PTGER3: variants seen among roughly 807,000 people sequenced by gnomAD.
PTGER3 encodes prostaglandin E receptor 3, also known as prostaglandin E2 receptor EP3 subtype.
A neutral mutation model predicts 34.7 loss-of-function variants in PTGER3; 22 were observed. The observed-to-expected ratio is 0.63, with a 90% confidence interval of 0.45 to 0.91. The LOEUF (loss-of-function observed/expected upper bound fraction) is 0.91, where lower values mean the gene tolerates loss of function less well. Ranked by LOEUF, PTGER3 falls within the 40% of genes least tolerant of loss-of-function variation. The probability of loss-of-function intolerance (pLI) is 0.00; values close to 1 mark genes in which losing one functional copy is unlikely to be tolerated. For synonymous variants in PTGER3, 241 were observed against 230.1 expected, an observed-to-expected ratio of 1.05 and a Z score of -0.43; for missense variants, 468 against 519.4, an observed-to-expected ratio of 0.90 and a Z score of 0.96.
intron 2 of PTGER3, among the ~76,000 whole-genome samples, chr1:71,003,531 T>A (rs1002609878): frequency 6.6e-6 from 1 of 152,134 alleles, no homozygotes; most frequent in Non-Finnish European, 1.5e-5. Context: ...CTTGTAATAT[T>A]TTTTTTAAAT....
chr1:70,862,213 A>C (rs1422923493), intron 4 of PTGER3: 1 of 671,064 alleles, frequency 1.5e-6, no homozygotes. Flanking sequence ...AATTTATGAA[A>C]TGAGATACAT....
chr1:70,947,170 T>A (rs1650297726), intron 4 of PTGER3, among the ~76,000 whole-genome samples: 1 of 152,144 alleles, frequency 6.6e-6, no homozygotes, highest in Non-Finnish European at 1.5e-5. Flanking sequence ...TGTGGATATA[T>A]CTAACACCAT....
chr1:70,953,042 C>T, exon 4 of PTGER3: 1 of 1,601,098 alleles, frequency 6.2e-7, no homozygotes, highest in Non-Finnish European at 8.5e-7. Context: ...TCTGAGAGTT[C>T]TGCAAACTGC....
At chr1:70,996,549 C>T (rs993906393) in intron 2 of PTGER3, among the ~76,000 whole-genome samples, 8 of 152,010 alleles carry the variant, frequency 5.3e-5, no homozygotes, top group Admixed American at 1.3e-4. Flanking sequence ...CAAGCTCCGC[C>T]TCGTGGGTTC....
At chr1:70,974,164 T>C in intron 3 of PTGER3, 133 bp downstream of exon 3, 1 of 1,317,164 alleles carries the variant, frequency 7.6e-7, no homozygotes, top group Non-Finnish European at 1.0e-6. Context: ...AATCTAGCAC[T>C]CTTAATCAGA....
chr1:70,979,405 A>AAAG lies in PTGER3; in HGVS notation c.1078-5020_1078-5018dup, dbSNP rs145793575. 0.021 allele frequency among the ~76,000 whole-genome samples: 3,269 copies of AAAG among 152,162 alleles called. 155 individuals carry two copies. The East Asian group carries it at 0.22, about 10-fold the overall frequency. The stretch of plus-strand genomic sequence containing the variant: ...TGCCTAATTCATTATTTAGCTGTAA[A>AAAG]AAGATTGCTTTCATAAAAAAATTAA... On this transcript the variant is annotated intron_variant, in intron 2 of 3. Coordinates refer to ENST00000306666, the MANE Select transcript of PTGER3 (RefSeq NM_198719.2).
chr1:70,887,928 C>A (rs956546652), intron 4 of PTGER3, among the ~76,000 whole-genome samples: 3 of 151,268 alleles, frequency 2.0e-5, no homozygotes, highest in African/African-American at 7.4e-5. Flanking sequence ...CTGAGTAACT[C>A]AAAATAGGTA....
intron 4 of PTGER3, chr1:70,884,021 A>G (rs1329778359): frequency 1.6e-5 from 6 of 374,822 alleles, no homozygotes; most frequent in South Asian, 1.2e-4. Context: ...GAGGAGGTGA[A>G]GGTTGCAGTG....
intron 2 of PTGER3, among the ~76,000 whole-genome samples, chr1:70,963,316 G>C (rs1044572580): frequency 6.6e-6 from 1 of 152,106 alleles, no homozygotes; most frequent in Non-Finnish European, 1.5e-5. Flanking sequence ...TGCAGGATGG[G>C]AGCCCTCCTC....
intron 2 of PTGER3, among the ~76,000 whole-genome samples, chr1:70,956,612 G>C (rs1651361986): frequency 6.6e-6 from 1 of 152,160 alleles, no homozygotes; most frequent in South Asian, 2.1e-4. Flanking sequence ...ACTGCCTTTA[G>C]AGGCTTCTAA....
intron 1 of PTGER3, among the ~76,000 whole-genome samples, chr1:71,033,184 G>C (rs1018321413): frequency 1.3e-5 from 2 of 152,170 alleles, no homozygotes; most frequent in African/African-American, 4.8e-5. Context: ...CAAAACCAAA[G>C]GCCTGGAGAG....
At chr1:71,046,574 T>A (rs1573026671) in intron 1 of PTGER3, 107 bp downstream of exon 1, 1 of 1,349,600 alleles carries the variant, frequency 7.4e-7, no homozygotes, top group East Asian at 2.5e-5. Context: ...ACTTCAGCGC[T>A]CTGCGGTTGC....
At chr1:70,880,676 C>A (rs910540020) in intron 4 of PTGER3, among the ~76,000 whole-genome samples, 33 of 136,242 alleles carry the variant, frequency 2.4e-4, no homozygotes, top group African/African-American at 8.6e-4. Context: ...AGTGAAAGAG[C>A]AAGACTCTGT....
chr1:70,965,847 G>A (rs1005033259), downstream of PTGER3, among the ~76,000 whole-genome samples: 2 of 152,242 alleles, frequency 1.3e-5, no homozygotes, highest in Non-Finnish European at 1.5e-5. Context: ...GGATTTCAGA[G>A]CTTGTTACTT....
chr1:70,948,157 T>C (rs1650394872), downstream of PTGER3, among the ~76,000 whole-genome samples: 2 of 152,104 alleles, frequency 1.3e-5, no homozygotes, highest in African/African-American at 4.8e-5. Context: ...GCCTTTGAGA[T>C]TTATACGTTG....
chr1:70,926,610 A>G (rs1490946988), intron 4 of PTGER3, among the ~76,000 whole-genome samples: 1 of 152,178 alleles, frequency 6.6e-6, no homozygotes, highest in Non-Finnish European at 1.5e-5. Flanking sequence ...TAGATATACA[A>G]TGATGTCGTC....
intron 1 of PTGER3, among the ~76,000 whole-genome samples, chr1:71,031,903 T>A (rs966475499): frequency 6.6e-6 from 1 of 152,186 alleles, no homozygotes; most frequent in African/African-American, 2.4e-5. Context: ...AAATAGATGC[T>A]AGAGAAAAGA....
chr1:70,979,677 A>G (rs1557706942), intron 2 of PTGER3, among the ~76,000 whole-genome samples: 1 of 152,140 alleles, frequency 6.6e-6, no homozygotes, highest in Non-Finnish European at 1.5e-5. Context: ...CTGGAGAAAC[A>G]AAGTGGGCAG....
chr1:70,918,702 T>C (rs750825513), intron 4 of PTGER3, among the ~76,000 whole-genome samples: 2 of 152,056 alleles, frequency 1.3e-5, no homozygotes, highest in Non-Finnish European at 2.9e-5. Context: ...AACATTAGAA[T>C]AGGTGATCCT....
Sources: gnomAD v4.1 joint callset for allele counts (sites outside exome capture counted in the v4.1 genomes callset) on GRCh38, gnomAD v4.1.1 for gene constraint, MANE v1.5 for transcripts, NCBI Gene and HGNC (gene_info 2026-07-23, HGNC 2026-07-21) for gene names.